The following NRG3 variants were observed in gnomAD, a reference collection of about 807,000 sequenced individuals.
NRG3 encodes the protein neuregulin 3.
In NRG3, 31 loss-of-function variants were observed where a neutral mutation model predicts 66.9. The ratio of observed to expected loss-of-function variants is 0.46; its 90% CI spans 0.35 to 0.63. NRG3 has a LOEUF of 0.63. Among genes scored for constraint, NRG3 ranks in the 20% least tolerant of loss-of-function variants. NRG3 has a pLI of 0.00. For synonymous variants in NRG3, 393 were observed against 359.4 expected (o/e 1.09, Z -1.06); for missense variants, 910 against 878.9 (o/e 1.04, Z -0.45).
At chr10:81,926,096 C>G (rs952910634) in intron 1 of NRG3, among the ~76,000 whole-genome samples, 3 of 151,914 alleles carry the variant, frequency 2.0e-5, no homozygotes, top group Non-Finnish European at 4.4e-5. Flanking sequence ...GAAGCAAGGG[C>G]CATATTGCTA....
intron 3 of NRG3, among the ~76,000 whole-genome samples, chr10:82,791,015 G>T: frequency 6.6e-6 from 1 of 151,498 alleles, no homozygotes; most frequent in East Asian, 1.9e-4. Flanking sequence ...AAGTCCTGTA[G>T]TTTGTTCAAC....
At position 82,893,545 on chromosome 10, in the gene NRG3, G is replaced by T. The variant is rs1843368977; in HGVS notation, c.1054+28108G>T. ...TCTACTAAAACTACAAAAATTTGCT[G>T]GGTGTGTTGGCGTGTGCCTGTAATC... On this transcript the variant is annotated intron_variant, in intron 4 of 8. Transcript: ENST00000372141. Among the ~76,000 whole-genome samples, 3 of 152,096 alleles carry T rather than the reference G, an allele frequency of 2.0e-5. No homozygotes were observed. The South Asian group carries it at 6.2e-4, about 32-fold the overall frequency.
chr10:82,556,866 C>A (rs2044685195), intron 2 of NRG3, among the ~76,000 whole-genome samples: 1 of 152,130 alleles, frequency 6.6e-6, no homozygotes, highest in Non-Finnish European at 1.5e-5. Flanking sequence ...TCATCTAGCT[C>A]CTACTTTTAA....
intron 1 of NRG3, among the ~76,000 whole-genome samples, chr10:82,126,063 C>G (rs1254131772): frequency 6.6e-6 from 1 of 151,944 alleles, no homozygotes; most frequent in Non-Finnish European, 1.5e-5. Flanking sequence ...GATAATTATT[C>G]CAGGACTATC....
chr10:82,828,957 A>C (rs1479018550), intron 3 of NRG3, among the ~76,000 whole-genome samples: 1 of 152,194 alleles, frequency 6.6e-6, no homozygotes, highest in Non-Finnish European at 1.5e-5. Flanking sequence ...CCTGCAGATG[A>C]AAATTTGCCC....
intron 2 of NRG3, among the ~76,000 whole-genome samples, chr10:82,442,187 G>A (rs1287698641): frequency 6.6e-6 from 1 of 152,118 alleles, no homozygotes; most frequent in South Asian, 2.1e-4. Context: ...GTTTCATTAG[G>A]CATTCATTCA....
intron 1 of NRG3, among the ~76,000 whole-genome samples, chr10:81,936,701 T>C (rs975580818): frequency 1.3e-5 from 2 of 152,150 alleles, no homozygotes; most frequent in African/African-American, 4.8e-5. Context: ...CTCACCACCC[T>C]GCTATAGTCA....
intron 1 of NRG3, among the ~76,000 whole-genome samples, chr10:82,337,589 T>C (rs959665175): frequency 6.6e-5 from 10 of 152,232 alleles, no homozygotes; most frequent in African/African-American, 2.4e-4. Context: ...TGCACCATTT[T>C]ACTTTCCCCA....
intron 2 of NRG3, among the ~76,000 whole-genome samples, chr10:82,618,839 C>A (rs2048842574): frequency 6.6e-6 from 1 of 151,802 alleles, no homozygotes. Flanking sequence ...TGATATAATG[C>A]AAATTTTGCA....
At chr10:81,951,455 G>A (rs1849347597) in intron 1 of NRG3, among the ~76,000 whole-genome samples, 1 of 152,078 alleles carries the variant, frequency 6.6e-6, no homozygotes, top group Admixed American at 6.6e-5. Context: ...TGACATCCTG[G>A]AAACTCCTAC....
At chr10:82,432,274 TCAAA>T (rs1051282863) in intron 2 of NRG3, among the ~76,000 whole-genome samples, 22 of 152,140 alleles carry the variant, frequency 1.4e-4, no homozygotes, top group African/African-American at 2.9e-4. Context: ...TTTCCTCCTC[TCAAA>T]CAGTCTACCT....
chr10:82,034,475 A>G (rs1474145711), intron 1 of NRG3, among the ~76,000 whole-genome samples: 2 of 152,104 alleles, frequency 1.3e-5, no homozygotes, highest in African/African-American at 2.4e-5. Context: ...AGCTCTGTCA[A>G]TTTCTATATG....
intron 2 of NRG3, among the ~76,000 whole-genome samples, chr10:82,526,923 G>A (rs972447163): frequency 6.6e-6 from 1 of 151,978 alleles, no homozygotes; most frequent in Non-Finnish European, 1.5e-5. Flanking sequence ...GCTAGGTGTG[G>A]TCATGTAAAT....
chr10:82,317,537 A>G (rs2081358567), intron 1 of NRG3, among the ~76,000 whole-genome samples: 1 of 152,118 alleles, frequency 6.6e-6, no homozygotes, highest in African/African-American at 2.4e-5. Context: ...GCTGCTGCTC[A>G]CTGATTGTTC....
At chr10:82,948,776 C>A (rs1849256311) in intron 4 of NRG3, among the ~76,000 whole-genome samples, 1 of 151,998 alleles carries the variant, frequency 6.6e-6, no homozygotes, top group Non-Finnish European at 1.5e-5. Context: ...TGAAATTTTC[C>A]TAAGCTTACT....
rs771413508 is a variant in NRG3 at position 81,876,069 on chromosome 10, C to G, written c.729C>G (p.Thr243=). 9.3e-6 allele frequency: 15 copies of G among 1,613,814 alleles called. No homozygotes were observed. Among genetic ancestry groups the G allele is most frequent in the Non-Finnish European group, 1.3e-5 (15 of 1,180,022 alleles). The change falls in exon 1 of 9, where the codon ACC becomes ACG. Residue 243 remains threonine (T), a synonymous_variant. Transcript: ENST00000372141. ...SYLHDSTPSW[T]LSPFQDAASS... is the part of the protein sequence containing the mutation. ...TTCACGATTCTACTCCCTCCTGGACCCTGTCTCCCTTTCAGGATGCTGCCT... is the reference window on the plus strand; with the variant it reads ...TTCACGATTCTACTCCCTCCTGGACGCTGTCTCCCTTTCAGGATGCTGCCT...
chr10:82,254,825 TTGA>T (rs1474006740), intron 1 of NRG3, among the ~76,000 whole-genome samples: 1 of 150,970 alleles, frequency 6.6e-6, no homozygotes, highest in Non-Finnish European at 1.5e-5. Flanking sequence ...AAGACAAATG[TTGA>T]TGAGACCATG....
chr10:82,032,357 G>A (rs2062609250), intron 1 of NRG3, among the ~76,000 whole-genome samples: 1 of 151,350 alleles, frequency 6.6e-6, no homozygotes, highest in Admixed American at 6.6e-5. Context: ...TACAAAGGAA[G>A]TTTTTTCCCT....
intron 1 of NRG3, among the ~76,000 whole-genome samples, chr10:82,243,103 G>A (rs1281642421): frequency 6.6e-6 from 1 of 152,186 alleles, no homozygotes; most frequent in Non-Finnish European, 1.5e-5. Context: ...ACTTTGCTGA[G>A]CTTCACAAAT....
Sources: gnomAD v4.1 joint callset for allele counts (sites outside exome capture counted in the v4.1 genomes callset) on GRCh38, gnomAD v4.1.1 for gene constraint, MANE v1.5 for transcripts, NCBI Gene and HGNC (gene_info 2026-07-23, HGNC 2026-07-21) for gene names.